CSMD1: variants seen among roughly 807,000 people sequenced by gnomAD.
CSMD1 encodes the protein CUB and Sushi multiple domains 1.
CSMD1 carries 213 observed loss-of-function variants against 417.5 expected under a neutral mutation model. That is an observed-to-expected ratio of 0.51 (90% CI 0.46 to 0.57). The LOEUF (loss-of-function observed/expected upper bound fraction) is 0.57, where lower values mean the gene tolerates loss of function less well. Among genes scored for constraint, CSMD1 ranks in the 20% least tolerant of loss-of-function variants. The probability of loss-of-function intolerance (pLI) is 0.00; values close to 1 mark genes in which losing one functional copy is unlikely to be tolerated. For missense variants in CSMD1, 6,923 were observed against 4,529.7 expected (o/e 1.53, Z -15.17); for synonymous variants, 2,862 against 1,736.8 (o/e 1.65, Z -16.11).
chr8:4,057,396 T>C (rs1798751718), intron 3 of CSMD1, among the ~76,000 whole-genome samples: 2 of 152,050 alleles, frequency 1.3e-5, no homozygotes, highest in Admixed American at 6.6e-5. Context: ...TTTTTTCTTG[T>C]AAATTTGTTT....
chr8:4,718,020 C>T (rs550614142), intron 1 of CSMD1, among the ~76,000 whole-genome samples: 2 of 152,230 alleles, frequency 1.3e-5, no homozygotes, highest in East Asian at 3.9e-4. Context: ...CTCTGTACCC[C>T]AGGCTGGAGG....
chr8:3,816,321 A>C lies in CSMD1; in HGVS notation c.819-62279T>G, dbSNP rs1801363177. Reference sequence around the variant, plus strand: ...CTGCAGTTTCCCTTGCTGTGTTTTCAGCTACCCACAGTCAACCACTGTCAG... The same window carrying C: ...CTGCAGTTTCCCTTGCTGTGTTTTCCGCTACCCACAGTCAACCACTGTCAG... On this transcript the variant is annotated intron_variant, in intron 5 of 69. Coordinates refer to ENST00000635120, the MANE Select transcript of CSMD1 (RefSeq NM_033225.6). Among the ~76,000 whole-genome samples, 3 of 152,280 alleles carry C rather than the reference A, an allele frequency of 2.0e-5. No homozygotes were observed. The South Asian group carries it at 6.2e-4, about 32-fold the overall frequency.
chr8:4,692,879 G>A (rs1439660632), intron 1 of CSMD1, among the ~76,000 whole-genome samples: 2 of 152,154 alleles, frequency 1.3e-5, no homozygotes, highest in African/African-American at 4.8e-5. Flanking sequence ...AGACTCTATG[G>A]TATTCTTCTG....
intron 2 of CSMD1, among the ~76,000 whole-genome samples, chr8:4,455,082 G>A (rs982481641): frequency 2.0e-5 from 3 of 152,108 alleles, no homozygotes; most frequent in Admixed American, 6.5e-5. Flanking sequence ...GTGCTATACA[G>A]GAATTTTTTC....
At position 4,331,991 on chromosome 8, in the gene CSMD1, A is replaced by G. The variant is rs929745413; in HGVS notation, c.415+87962T>C. Among the ~76,000 whole-genome samples, 6 of 152,268 alleles carry G rather than the reference A, an allele frequency of 3.9e-5. No individual in the cohort carries two copies. In the South Asian group the frequency reaches 1.2e-3, roughly 32 times the overall value. ...TTTATGCAAAGCACATCTGAAATGA[A>G]AATGCTGAGTAATTTACTCAAACCC... On this transcript the variant is annotated intron_variant, in intron 3 of 69. Coordinates refer to ENST00000635120, the MANE Select transcript of CSMD1 (RefSeq NM_033225.6).
chr8:4,347,719 C>T (rs375893286), intron 3 of CSMD1, among the ~76,000 whole-genome samples: 5 of 152,062 alleles, frequency 3.3e-5, no homozygotes, highest in Non-Finnish European at 5.9e-5. Context: ...TCCTGTAGCA[C>T]GTAACTCAAT....
At chr8:4,480,754 T>C (rs1047754008) in intron 2 of CSMD1, among the ~76,000 whole-genome samples, 12 of 152,230 alleles carry the variant, frequency 7.9e-5, no homozygotes, top group African/African-American at 1.4e-4. Context: ...CAAAATATAC[T>C]GCATTATATG....
chr8:3,690,262 T>G (rs1800167544), intron 7 of CSMD1, among the ~76,000 whole-genome samples: 1 of 152,144 alleles, frequency 6.6e-6, no homozygotes, highest in Non-Finnish European at 1.5e-5. Flanking sequence ...GGGAGGAGGC[T>G]GAGTCAGAAG....
chr8:3,751,961 G>C (rs912476020), intron 6 of CSMD1, among the ~76,000 whole-genome samples: 1 of 152,092 alleles, frequency 6.6e-6, no homozygotes, highest in African/African-American at 2.4e-5. Context: ...TTGACTTATG[G>C]TTATGTTAAA....
At chr8:4,815,781 A>G (rs1284442932) in intron 1 of CSMD1, among the ~76,000 whole-genome samples, 1 of 151,884 alleles carries the variant, frequency 6.6e-6, no homozygotes, top group Non-Finnish European at 1.5e-5. Flanking sequence ...CATTTTACAG[A>G]TATTAGTAAT....
In CSMD1 at chr8:3,230,106, C is replaced by A. The variant is rs1399181068; in HGVS notation, c.4279G>T (p.Ala1427Ser). 6.2e-7 allele frequency: 1 copy of A among 1,613,516 alleles called. No individual in the cohort carries two copies. The highest frequency in any genetic ancestry group is 8.5e-7 in the Non-Finnish European group (1 of 1,179,680). Residue 1427 changes from alanine (A) to serine (S), a missense_variant, in exon 27 of 70, where the codon GCC becomes TCC. Ala to Ser is a moderately conservative substitution (Grantham distance 99, BLOSUM62 1). Coordinates refer to ENST00000635120, the MANE Select transcript of CSMD1 (RefSeq NM_033225.6). ...TTCAGCTGCACACAGGTGATTTTGGCTTGTCCTTGGAGCTGATAGCCAGGG... is the reference window on the plus strand; with the variant it reads ...TTCAGCTGCACACAGGTGATTTTGGATTGTCCTTGGAGCTGATAGCCAGGG... ...CDPGYQLQGQAKITCVQLNNR... is the reference protein window; with the variant it reads ...CDPGYQLQGQSKITCVQLNNR...
intron 38 of CSMD1, among the ~76,000 whole-genome samples, chr8:3,158,319 G>A (rs926962817): frequency 4.6e-5 from 7 of 151,870 alleles, no homozygotes; most frequent in African/African-American, 1.7e-4. Flanking sequence ...TTTGGCCTAA[G>A]AAGCTGAAAA....
At chr8:4,104,069 G>T (rs1380898976) in intron 3 of CSMD1, among the ~76,000 whole-genome samples, 1 of 152,152 alleles carries the variant, frequency 6.6e-6, no homozygotes, top group Non-Finnish European at 1.5e-5. Context: ...ACTACAATAG[G>T]TTCTCCCTCA....
intron 5 of CSMD1, among the ~76,000 whole-genome samples, chr8:3,937,004 T>C (rs1304042514): frequency 2.6e-5 from 4 of 152,128 alleles, no homozygotes; most frequent in Non-Finnish European, 5.9e-5. Context: ...AATGACTTTG[T>C]TGGGTTAAAG....
intron 3 of CSMD1, among the ~76,000 whole-genome samples, chr8:4,085,683 G>C (rs1242782527): frequency 6.6e-6 from 1 of 152,132 alleles, no homozygotes; most frequent in Non-Finnish European, 1.5e-5. Flanking sequence ...CCAGGATAAT[G>C]CTCTAATATG....
chr8:3,490,221 G>T (rs1443855776), intron 11 of CSMD1, among the ~76,000 whole-genome samples: 1 of 152,124 alleles, frequency 6.6e-6, no homozygotes, highest in Admixed American at 6.5e-5. Flanking sequence ...GCTGCATTAT[G>T]TTTCCCAAAG....
At chr8:4,635,542 G>C (rs1405201699) in intron 2 of CSMD1, among the ~76,000 whole-genome samples, 1 of 152,052 alleles carries the variant, frequency 6.6e-6, no homozygotes, top group Non-Finnish European at 1.5e-5. Context: ...ATTTTTAAGA[G>C]AGCATATTTT....
At chr8:4,151,646 G>C (rs892277296) in intron 3 of CSMD1, among the ~76,000 whole-genome samples, 1 of 152,014 alleles carries the variant, frequency 6.6e-6, no homozygotes, top group Non-Finnish European at 1.5e-5. Context: ...AGAATCTGTG[G>C]CATCATTATT....
intron 1 of CSMD1, among the ~76,000 whole-genome samples, chr8:4,698,225 G>T (rs1464852608): frequency 6.6e-6 from 1 of 150,996 alleles, no homozygotes; most frequent in Non-Finnish European, 1.5e-5. Flanking sequence ...GTAAGCCCTG[G>T]TTCTTCATCA....
Sources: gnomAD v4.1 joint callset for allele counts (sites outside exome capture counted in the v4.1 genomes callset) on GRCh38, gnomAD v4.1.1 for gene constraint, MANE v1.5 for transcripts, NCBI Gene and HGNC (gene_info 2026-07-23, HGNC 2026-07-21) for gene names.